The following LRP5 variants were observed in gnomAD, a reference collection of about 807,000 sequenced individuals.
LRP5 encodes the protein low-density lipoprotein receptor-related protein 5.
LRP5 carries 62 observed loss-of-function variants against 154.1 expected under a neutral mutation model. The observed-to-expected ratio is 0.40, with a 90% CI of 0.33 to 0.50. The LOEUF is 0.50. Ranked by LOEUF, LRP5 falls within the 20% of genes least tolerant of loss-of-function variation. The pLI is 0.55. For synonymous variants in LRP5, 966 were observed against 1,011.5 expected (o/e 0.96, Z 0.85); for missense variants, 1,915 against 2,336.7 (o/e 0.82, Z 3.72).
rs1351634941 is a variant in LRP5, at chr11:68,347,835, T to A, written c.92-12T>A. Reference sequence around the variant, plus strand: ...TAGCCAGTGGCCCTCACGGTTTGCTTCTGCCCCACAGCCTCGCCGCTCCTG... The same window carrying A: ...TAGCCAGTGGCCCTCACGGTTTGCTACTGCCCCACAGCCTCGCCGCTCCTG... On this transcript the variant is annotated splice_polypyrimidine_tract_variant and intron_variant, in intron 1 of 22. Coordinates refer to ENST00000294304, the MANE Select transcript of LRP5 (RefSeq NM_002335.4). 5.6e-6 allele frequency: 9 copies of A among 1,612,762 alleles called. No homozygotes were observed. The highest frequency in any genetic ancestry group is 3.3e-5 in the Admixed American group (2 of 60,008).
intron 18 of LRP5, among the ~76,000 whole-genome samples, chr11:68,436,362 G>A (rs186113538): frequency 1.2e-3 from 178 of 152,204 alleles, no homozygotes; most frequent in African/African-American, 4.0e-3. Context: ...AGCCGTCAGC[G>A]CCCTGGCTTG....
chr11:68,425,745 G>A (rs892942518), intron 15 of LRP5, among the ~76,000 whole-genome samples: 1 of 152,300 alleles, frequency 6.6e-6, no homozygotes, highest in Middle Eastern at 3.4e-3. Context: ...GAGGCCCGCC[G>A]TTGGAACTGA....
intron 7 of LRP5, among the ~76,000 whole-genome samples, chr11:68,397,448 A>G (rs1042580118): frequency 6.6e-6 from 1 of 152,016 alleles, no homozygotes; most frequent in Admixed American, 6.6e-5. Context: ...CCATGTGCCC[A>G]GCTGCCCCCG....
intron 17 of LRP5, among the ~76,000 whole-genome samples, chr11:68,431,541 G>C (rs2098671915): frequency 6.6e-6 from 1 of 152,098 alleles, no homozygotes; most frequent in African/African-American, 2.4e-5. Flanking sequence ...CACCCGGAGT[G>C]CCGGTTGTTT....
chr11:68,339,850 A>T (rs1324756481), intron 1 of LRP5, among the ~76,000 whole-genome samples: 1 of 152,088 alleles, frequency 6.6e-6, no homozygotes, highest in East Asian at 1.9e-4. Flanking sequence ...TTTTGGGTAT[A>T]TATGTAGGAG....
intron 22 of LRP5, among the ~76,000 whole-genome samples, chr11:68,448,236 C>T (rs770992743): frequency 1.3e-5 from 2 of 152,218 alleles, no homozygotes; most frequent in African/African-American, 2.4e-5. Context: ...ATTCAATCAT[C>T]TCCCACTGGG....
At chr11:68,377,867 TCTCAGCTTTCCCC>T (rs2098638217) in intron 5 of LRP5, among the ~76,000 whole-genome samples, 1 of 150,308 alleles carries the variant, frequency 6.7e-6, no homozygotes. Context: ...TTTCCCCGGA[TCTCAGCTTTCCCC>T]GGATCTCAGC....
intron 5 of LRP5, among the ~76,000 whole-genome samples, chr11:68,376,824 C>T (rs1223080288): frequency 6.6e-6 from 1 of 152,174 alleles, no homozygotes; most frequent in Non-Finnish European, 1.5e-5. Context: ...CCTTCTTTTT[C>T]ATTTAAGTCA....
chr11:68,376,079 G>A (rs2153146525), intron 5 of LRP5, among the ~76,000 whole-genome samples: 1 of 152,014 alleles, frequency 6.6e-6, no homozygotes, highest in South Asian at 2.1e-4. Context: ...AACGTTTCTT[G>A]GGGGCCACTG....
Position 68,407,462 on chromosome 11 carries a change from G to A in LRP5, c.2091+649G>A, listed in dbSNP as rs545095848. On this transcript the variant is annotated intron_variant, in intron 9 of 22. Coordinates refer to ENST00000294304, the MANE Select transcript of LRP5 (RefSeq NM_002335.4). Reference sequence around the variant, plus strand: ...GCTGAGATAACAGGTGTGAGCCACCGTTCCCGGCCTAGGAAAACTTTTTGC... The same window carrying A: ...GCTGAGATAACAGGTGTGAGCCACCATTCCCGGCCTAGGAAAACTTTTTGC... 1.3e-3 allele frequency among the ~76,000 whole-genome samples: 201 copies of A among 150,800 alleles called. 7 individuals carry two copies. Among genetic ancestry groups the A allele is most frequent in the Non-Finnish European group, 9.0e-4 (61 of 67,766 alleles).
upstream of LRP5, among the ~76,000 whole-genome samples, chr11:68,311,492 C>CAA (rs1297713313): frequency 6.6e-6 from 1 of 152,240 alleles, no homozygotes; most frequent in Admixed American, 6.5e-5. Flanking sequence ...CACTGCAGCA[C>CAA]AACGCCCTTC....
chr11:68,299,429 G>C, the LRP5 span, among the ~76,000 whole-genome samples: 1 of 151,988 alleles, frequency 6.6e-6, no homozygotes, highest in Non-Finnish European at 1.5e-5. Flanking sequence ...CAGGAGGTGA[G>C]GGCGGGAGGC....
chr11:68,332,090 C>T (rs1483953724), intron 1 of LRP5, among the ~76,000 whole-genome samples: 1 of 152,124 alleles, frequency 6.6e-6, no homozygotes, highest in African/African-American at 2.4e-5. Context: ...GAAGGCCCCA[C>T]TCTCCCGCCT....
intron 19 of LRP5, 59 bp downstream of exon 19, chr11:68,437,058 G>A: frequency 7.1e-7 from 1 of 1,403,846 alleles, no homozygotes; most frequent in Non-Finnish European, 1.0e-6. Context: ...CAGGAACGTG[G>A]AGTTTAGGGG....
chr11:68,400,258 C>G (rs1424546403), intron 7 of LRP5, among the ~76,000 whole-genome samples: 1 of 152,146 alleles, frequency 6.6e-6, no homozygotes, highest in African/African-American at 2.4e-5. Context: ...CTGCCCAGCA[C>G]CCTTGTTTGC....
chr11:68,300,638 G>A, the LRP5 span, among the ~76,000 whole-genome samples: 3 of 149,592 alleles, frequency 2.0e-5, no homozygotes, highest in East Asian at 5.8e-4. Context: ...CCAAGCCGCA[G>A]AGGCCATACG....
intron 3 of LRP5, among the ~76,000 whole-genome samples, chr11:68,361,438 CATCCT>C (rs2098628063): frequency 6.6e-6 from 1 of 151,984 alleles, no homozygotes; most frequent in African/African-American, 2.4e-5. Flanking sequence ...AGATCGAGAC[CATCCT>C]GGGTAACACG....
At chr11:68,428,164 T>C (rs959475964) in intron 16 of LRP5, among the ~76,000 whole-genome samples, 1 of 151,790 alleles carries the variant, frequency 6.6e-6, no homozygotes, top group African/African-American at 2.4e-5. Flanking sequence ...GGCTAATTTT[T>C]TTGTATTTTT....
intron 5 of LRP5, among the ~76,000 whole-genome samples, chr11:68,367,982 T>C (rs2098632000): frequency 6.6e-6 from 1 of 151,634 alleles, no homozygotes. Flanking sequence ...GGAGAATTGC[T>C]TGAGCCTAGG....
Sources: gnomAD v4.1 joint callset for allele counts (sites outside exome capture counted in the v4.1 genomes callset) on GRCh38, gnomAD v4.1.1 for gene constraint, MANE v1.5 for transcripts, NCBI Gene and HGNC (gene_info 2026-07-23, HGNC 2026-07-21) for gene names.